CPB2: variants seen among roughly 807,000 people sequenced by gnomAD.
The protein encoded by CPB2 is carboxypeptidase B2, also known as carboxypeptidase B-like protein.
Under a neutral mutation model 57.0 loss-of-function variants are expected in CPB2, and 54 were observed. The ratio of observed to expected loss-of-function variants is 0.95; its 90% CI spans 0.76 to 1.19. The LOEUF (loss-of-function observed/expected upper bound fraction) is 1.19. Ranked by LOEUF, CPB2 falls within the 50% of genes most tolerant of loss-of-function variation. CPB2 has a pLI of 0.00. For missense variants in CPB2, 426 were observed against 512.0 expected, an observed-to-expected ratio of 0.83 and a Z score of 1.62; for synonymous variants, 189 against 178.1, an observed-to-expected ratio of 1.06 and a Z score of -0.49.
At chr13:46,098,560 C>T (rs1380810818) in intron 1 of CPB2, 1 of 152,318 alleles carries the variant, frequency 6.6e-6, no homozygotes, top group Non-Finnish European at 1.5e-5. Context: ...TTCTTTGTCT[C>T]CTCAGCTTCT....
intron 7 of CPB2, among the ~76,000 whole-genome samples, 154 bp downstream of exon 7, chr13:46,067,153 C>G (rs1381633573): frequency 6.7e-6 from 1 of 149,886 alleles, no homozygotes; most frequent in East Asian, 2.0e-4. Context: ...ATTATGTGCA[C>G]TTATATATAT....
chr13:46,092,216 T>A (rs564405897), intron 1 of CPB2, among the ~76,000 whole-genome samples: 10 of 152,154 alleles, frequency 6.6e-5, no homozygotes, highest in Admixed American at 6.5e-4. Context: ...CTGGACAAAA[T>A]GTATGGAACA....
At chr13:46,058,141 C>T in intron 9 of CPB2, 38 bp downstream of exon 9, 1 of 1,570,036 alleles carries the variant, frequency 6.4e-7, no homozygotes, top group Non-Finnish European at 8.7e-7. Context: ...ATTTTATTTC[C>T]AAAATGCTAA....
intron 1 of CPB2, among the ~76,000 whole-genome samples, chr13:46,096,832 C>G (rs1196291526): frequency 6.6e-6 from 1 of 151,904 alleles, no homozygotes; most frequent in East Asian, 1.9e-4. Context: ...ACTCGGGTGA[C>G]CGAAAGAGAG....
chr13:46,055,716 C>A (rs2044687783), intron 10 of CPB2, 46 bp downstream of exon 10: 1 of 1,154,170 alleles, frequency 8.7e-7, no homozygotes, highest in Non-Finnish European at 1.3e-6. Context: ...ACACAGATTT[C>A]TTTAGTAGCT....
intron 6 of CPB2, 130 bp from the exon 7 acceptor site, chr13:46,067,547 C>T (rs953577558): frequency 1.7e-6 from 1 of 587,766 alleles, no homozygotes; most frequent in Non-Finnish European, 3.0e-6. Context: ...AGAAAGAGTG[C>T]TAATTCCTCA....
intron 1 of CPB2, among the ~76,000 whole-genome samples, chr13:46,088,944 C>T (rs992797746): frequency 1.2e-4 from 17 of 147,820 alleles, no homozygotes; most frequent in Non-Finnish European, 2.1e-4. Context: ...TATCTTCTAG[C>T]AGTTTGTAAT....
chr13:46,088,403 A>G (rs186659165), intron 1 of CPB2, among the ~76,000 whole-genome samples: 65 of 152,352 alleles, frequency 4.3e-4, no homozygotes, highest in African/African-American at 1.5e-3. Flanking sequence ...CTTTATAAAA[A>G]TGGTATACTA....
chr13:46,083,551 GA>G (rs2045152208), intron 3 of CPB2, among the ~76,000 whole-genome samples: 1 of 152,182 alleles, frequency 6.6e-6, no homozygotes, highest in African/African-American at 2.4e-5. Context: ...TTGGGCAGTG[GA>G]TATGGAGGGG....
chr13:46,103,927 A>T (rs1340973891), intron 1 of CPB2, among the ~76,000 whole-genome samples: 1 of 152,240 alleles, frequency 6.6e-6, no homozygotes, highest in African/African-American at 2.4e-5. Context: ...TAAATAACAA[A>T]AATAATATCA....
At chr13:46,093,844 G>T (rs1219736858) in intron 1 of CPB2, among the ~76,000 whole-genome samples, 1 of 152,148 alleles carries the variant, frequency 6.6e-6, no homozygotes, top group African/African-American at 2.4e-5. Context: ...CATTGAACTA[G>T]TATACAATTA....
chr13:46,087,263 AC>A (rs1402298603), intron 2 of CPB2, among the ~76,000 whole-genome samples: 1 of 152,230 alleles, frequency 6.6e-6, no homozygotes, highest in African/African-American at 2.4e-5. Context: ...CGTGGAGCAC[AC>A]AGCCCCAGCC....
intron 4 of CPB2, among the ~76,000 whole-genome samples, chr13:46,079,535 C>CAAAAAAAAAAAAA (rs58164990): frequency 1.4e-3 from 150 of 110,932 alleles, no homozygotes; most frequent in East Asian, 2.1e-3. Flanking sequence ...AAGGAAAAAG[C>CAAAAAAAAAAAAA]AAAAAAAAAA....
chr13:46,096,623 C>CA (rs2045369593), intron 1 of CPB2: 1 of 151,952 alleles, frequency 6.6e-6, no homozygotes, highest in Admixed American at 6.6e-5. Context: ...ACTAAAAATA[C>CA]AAAAAATTAG....
chr13:46,103,861 T>C (rs995342240), intron 1 of CPB2, among the ~76,000 whole-genome samples: 1 of 152,094 alleles, frequency 6.6e-6, no homozygotes, highest in Non-Finnish European at 1.5e-5. Context: ...ACCGATAAAA[T>C]ACAGAGAAAG....
In CPB2 at chr13:46,067,383, G is replaced by C. The variant is rs767914031; in HGVS notation, c.626C>G (p.Thr209Ser). The change falls in exon 7 of 11, where the codon ACC (threonine) becomes AGC (serine). Residue 209 changes from threonine (T) to serine (S), a missense_variant. Thr to Ser is a moderately conservative substitution (Grantham distance 58, BLOSUM62 1). Coordinates refer to ENST00000181383, the MANE Select transcript of CPB2 (RefSeq NM_001872.5). ...TQFYGIIGQY[T>S]NLLRLVDFYV... ...GAAATCCACAAGCCTCAGGAGATTG[G>C]TATATTGCCCTATTATCCCATAGAA... 1 of 1,590,916 alleles carries C rather than the reference G, an allele frequency of 6.3e-7. No individual in the cohort carries two copies. The highest frequency in any genetic ancestry group is 1.7e-5 in the Admixed American group (1 of 59,910).
At chr13:46,085,080 G>A (rs1046433743) in intron 2 of CPB2, among the ~76,000 whole-genome samples, 2 of 152,066 alleles carry the variant, frequency 1.3e-5, no homozygotes, top group Non-Finnish European at 2.9e-5. Flanking sequence ...TCGATCTCCT[G>A]ACCTCGTGAT....
intron 6 of CPB2, among the ~76,000 whole-genome samples, chr13:46,068,706 G>A (rs1294239000): frequency 5.2e-5 from 4 of 77,228 alleles, no homozygotes; most frequent in Admixed American, 1.6e-4. Flanking sequence ...CCCCACCCCC[G>A]ACAGGCCCCG....
At chr13:46,084,929 C>T (rs530775540) in intron 2 of CPB2, among the ~76,000 whole-genome samples, 20 of 151,830 alleles carry the variant, frequency 1.3e-4, no homozygotes, top group East Asian at 1.2e-3. Flanking sequence ...TGGCTCACTG[C>T]AAGCTCTGCC....
Sources: gnomAD v4.1 joint callset for allele counts (sites outside exome capture counted in the v4.1 genomes callset) on GRCh38, gnomAD v4.1.1 for gene constraint, MANE v1.5 for transcripts, NCBI Gene and HGNC (gene_info 2026-07-23, HGNC 2026-07-21) for gene names.